MTM1: variants seen among roughly 807,000 people sequenced by gnomAD.
MTM1 encodes myotubularin 1, also known as myotubularin.
Under a neutral mutation model 52.1 loss-of-function variants are expected in MTM1, and 9 were observed. The ratio of observed to expected loss-of-function variants is 0.17; its 90% CI spans 0.10 to 0.30. The LOEUF (loss-of-function observed/expected upper bound fraction) is 0.30, where lower values mean the gene tolerates loss of function less well. Among genes scored for constraint, MTM1 ranks in the 10% least tolerant of loss-of-function variants. The pLI is 1.00. For synonymous variants in MTM1, 136 were observed against 163.8 expected (o/e 0.83, Z 1.29); for missense variants, 277 against 470.7 (o/e 0.59, Z 3.81).
rs1439133089 is a variant in MTM1, at chrX:150,672,036, T to TA, written c.*442dup. The TA allele has an allele frequency of 7.3e-6, 1 of 137,420 alleles. No individual in the cohort carries two copies. The highest frequency in any genetic ancestry group is 8.0e-5 in the Admixed American group (1 of 12,541). The allele number at this position is 137,420 out of a possible 1,213,427, so 11.3% of individuals were successfully genotyped here. ...GAATCCAAATGTGAAAGATGCATGTTACTGCCAAAACCAAATTGAGCTCAG... is the reference window on the plus strand; with the variant it reads ...GAATCCAAATGTGAAAGATGCATGTTAACTGCCAAAACCAAATTGAGCTCAG... On this transcript the variant is annotated 3_prime_UTR_variant, in exon 15 of 15. Transcript: ENST00000370396.
rs376178048 is a variant in MTM1 at position 150,649,793 on chromosome X, T to C, written c.945T>C (p.His315=). The change falls in exon 10 of 15, where the codon CAT becomes CAC. Residue 315 remains histidine, a synonymous_variant. Transcript: ENST00000370396. ...ELFFLDIHNI[H]VMRESLKKVK... ...TCTTCTTAGACATTCATAATATTCATGTTATGCGGGAATCTTTAAAAAAAG... is the reference window on the plus strand; with the variant it reads ...TCTTCTTAGACATTCATAATATTCACGTTATGCGGGAATCTTTAAAAAAAG... 8.3e-6 allele frequency: 10 copies of C among 1,207,446 alleles called. No individual in the cohort carries two copies. Among genetic ancestry groups the C allele is most frequent in the African/African-American group, 1.7e-5 (1 of 57,204 alleles).
chrX:150,664,971 T>TTCA (rs2040281588), intron 14 of MTM1, among the ~76,000 whole-genome samples: 1 of 111,943 alleles, frequency 8.9e-6, no homozygotes, highest in Non-Finnish European at 1.9e-5. Context: ...AAGGTAATAA[T>TTCA]GATAATTGTG....
chrX:150,575,162 A>G (rs1244493729), intron 1 of MTM1, among the ~76,000 whole-genome samples: 1 of 112,525 alleles, frequency 8.9e-6, no homozygotes, highest in African/African-American at 3.2e-5. Flanking sequence ...GGGGAACTTC[A>G]AAGAACTCGA....
At chrX:150,626,737 GAAAC>G (rs2039576047) in intron 6 of MTM1, among the ~76,000 whole-genome samples, 1 of 111,729 alleles carries the variant, frequency 9.0e-6, no homozygotes, top group Non-Finnish European at 1.9e-5. Context: ...TAGATAAAAA[GAAAC>G]AACTCATTTT....
upstream of MTM1, among the ~76,000 whole-genome samples, chrX:150,566,800 C>A (rs1557411248): frequency 9.0e-6 from 1 of 111,255 alleles, no homozygotes; most frequent in Non-Finnish European, 1.9e-5. Context: ...AGCTGCTGCC[C>A]TCCCTCCACC....
intron 1 of MTM1, among the ~76,000 whole-genome samples, chrX:150,583,194 A>ATATATAT (rs1313506896): frequency 8.1e-5 from 6 of 73,909 alleles, no homozygotes; most frequent in East Asian, 4.2e-4. Context: ...TATATAAATT[A>ATATATAT]TATATAAATT....
At chrX:150,661,331 C>A (rs1218922050) in intron 13 of MTM1, among the ~76,000 whole-genome samples, 4 of 111,991 alleles carry the variant, frequency 3.6e-5, no homozygotes, top group African/African-American at 1.3e-4. Context: ...GCCTGGCGAT[C>A]AGATTTCAAC....
At chrX:150,616,874 A>G (rs1359518136) in intron 5 of MTM1, among the ~76,000 whole-genome samples, 1 of 111,388 alleles carries the variant, frequency 9.0e-6, no homozygotes, top group African/African-American at 3.3e-5. Context: ...GTATTCTTCA[A>G]CTCTTACTGT....
At chrX:150,581,009 A>G (rs782547154) in intron 1 of MTM1, among the ~76,000 whole-genome samples, 1 of 111,988 alleles carries the variant, frequency 8.9e-6, no homozygotes, top group Admixed American at 9.5e-5. Flanking sequence ...TATTCAATGT[A>G]TTTTGGAACT....
At chrX:150,612,516 A>AC (rs1327405829) in intron 4 of MTM1, among the ~76,000 whole-genome samples, 16 of 109,597 alleles carry the variant, frequency 1.5e-4, no homozygotes, top group Admixed American at 2.9e-4. Flanking sequence ...ACATAGTGAG[A>AC]CCCCCCCACC....
At position 150,671,608 on chromosome X, in the gene MTM1, G is replaced by C. The variant is rs1296157056; in HGVS notation, c.*13G>C. ...AACTCACTTCTGAGGGGGGACCCTG[G>C]CACCGCATTAGAGCTCGAAATAAAG... On this transcript the variant is annotated 3_prime_UTR_variant, in exon 15 of 15. Coordinates refer to ENST00000370396, the MANE Select transcript of MTM1 (RefSeq NM_000252.3). The C allele has an allele frequency of 2.2e-5, 26 of 1,207,238 alleles. No homozygotes were observed. Among genetic ancestry groups the C allele is most frequent in the Non-Finnish European group, 2.9e-5 (26 of 893,598 alleles).
At chrX:150,653,390 A>T (rs1557414287) in intron 10 of MTM1, among the ~76,000 whole-genome samples, 1 of 111,391 alleles carries the variant, frequency 9.0e-6, no homozygotes, top group Non-Finnish European at 1.9e-5. Context: ...TCTTATCAGG[A>T]TTTGTGTGAT....
At position 150,639,017 on chromosome X, in the gene MTM1, C is replaced by T. The variant is rs2148485835; in HGVS notation, c.519C>T (p.Tyr173=). The T allele has an allele frequency of 8.4e-7, 1 of 1,193,578 alleles. No individual in the cohort carries two copies. ...GWTVYNPVEE[Y]RRQGLPNHHW... ...CAGTTTACAATCCAGTGGAAGAATA[C>T]AGGAGGCAGGTAAGATGTTAGATGC... The change falls in exon 7 of 15, where the codon TAC becomes TAT. Residue 173 remains tyrosine, a synonymous_variant. Coordinates refer to ENST00000370396, the MANE Select transcript of MTM1 (RefSeq NM_000252.3).
At chrX:150,622,328 T>C (rs1482801054) in intron 6 of MTM1, among the ~76,000 whole-genome samples, 1 of 111,949 alleles carries the variant, frequency 8.9e-6, no homozygotes, top group Non-Finnish European at 1.9e-5. Flanking sequence ...AGATACAGAT[T>C]GAAACAGATC....
intron 13 of MTM1, among the ~76,000 whole-genome samples, chrX:150,661,427 C>T (rs1199037345): frequency 9.0e-6 from 1 of 111,670 alleles, no homozygotes; most frequent in East Asian, 2.8e-4. Context: ...TCCAGCACTC[C>T]CACTATTGGG....
chrX:150,651,046 G>C (rs1447025620), intron 10 of MTM1, among the ~76,000 whole-genome samples: 2 of 111,733 alleles, frequency 1.8e-5, no homozygotes, highest in Non-Finnish European at 3.8e-5. Flanking sequence ...GAATCTCAAA[G>C]GGAATGTTCC....
chrX:150,579,345 C>T (rs782673206), intron 1 of MTM1, among the ~76,000 whole-genome samples: 25 of 111,505 alleles, frequency 2.2e-4, no homozygotes, highest in South Asian at 1.1e-3. Context: ...TGAGCCACCA[C>T]GCCTGGCCCA....
At chrX:150,637,562 A>T (rs945561279) in intron 6 of MTM1, among the ~76,000 whole-genome samples, 1 of 112,201 alleles carries the variant, frequency 8.9e-6, no homozygotes, top group Admixed American at 9.4e-5. Flanking sequence ...GAACAAGTAC[A>T]TATGTAATAT....
At chrX:150,666,924 C>G (rs1298818806) in intron 14 of MTM1, among the ~76,000 whole-genome samples, 1 of 111,503 alleles carries the variant, frequency 9.0e-6, no homozygotes, top group African/African-American at 3.3e-5. Context: ...CAAAACACAG[C>G]TAGAGTCCAA....
Sources: gnomAD v4.1 joint callset for allele counts (sites outside exome capture counted in the v4.1 genomes callset) on GRCh38, gnomAD v4.1.1 for gene constraint, MANE v1.5 for transcripts, NCBI Gene and HGNC (gene_info 2026-07-23, HGNC 2026-07-21) for gene names.